Variants in EXD3 observed in about 807,000 individuals in gnomAD.
The protein encoded by EXD3 is exonuclease 3'-5' domain containing 3, also known as exonuclease mut-7 homolog.
In EXD3, 92 loss-of-function variants were observed where a neutral mutation model predicts 98.0. The ratio of observed to expected loss-of-function variants is 0.94; its 90% CI spans 0.79 to 1.12. EXD3 has a LOEUF of 1.12. Ranked by LOEUF, EXD3 falls within the 50% of genes most tolerant of loss-of-function variation. EXD3 has a pLI of 0.00. For missense variants in EXD3, 1,222 were observed against 1,191.6 expected, an observed-to-expected ratio of 1.03 and a Z score of -0.38; for synonymous variants, 569 against 526.0, an observed-to-expected ratio of 1.08 and a Z score of -1.12.
chr9:137,401,006 T>G (rs1372253134), intron 1 of EXD3, among the ~76,000 whole-genome samples: 1 of 152,096 alleles, frequency 6.6e-6, no homozygotes, highest in Non-Finnish European at 1.5e-5. Flanking sequence ...ACAGGTGGTG[T>G]TGAGTGTCTG....
chr9:137,414,219 G>C (rs764630680), intron 1 of EXD3, among the ~76,000 whole-genome samples: 20 of 152,200 alleles, frequency 1.3e-4, no homozygotes, highest in Non-Finnish European at 1.3e-4. Context: ...GCCCGGCCAA[G>C]GTTCTGTTCT....
At chr9:137,376,423 A>G (rs1334362691) in intron 3 of EXD3, among the ~76,000 whole-genome samples, 1 of 151,650 alleles carries the variant, frequency 6.6e-6, no homozygotes, top group Non-Finnish European at 1.5e-5. Context: ...CTACAGGGCA[A>G]GCTCATCTAT....
chr9:137,359,258 C>T lies in EXD3; in HGVS notation c.657-2890G>A, dbSNP rs1341052608. 2.4e-5 allele frequency among the ~76,000 whole-genome samples: 2 copies of T among 83,712 alleles called. 1 individual carries two copies. The highest frequency in any genetic ancestry group is 6.6e-5 in the African/African-American group (2 of 30,220). The allele number at this position is 83,712 out of a possible 152,430, so 54.9% of individuals were successfully genotyped here. ...TGCTGGGATTACAGGCGTGAGCCAC[C>T]GTGCCCGGCCAAGGCCTACTTTTTA... On this transcript the variant is annotated intron_variant, in intron 7 of 21. Transcript: ENST00000340951.
chr9:137,380,138 CTCCCGGGG>C (rs1280235617), intron 3 of EXD3, among the ~76,000 whole-genome samples: 2 of 151,964 alleles, frequency 1.3e-5, no homozygotes, highest in African/African-American at 4.8e-5. Context: ...GCCTGCCTCC[CTCCCGGGG>C]TCCCTGTGAA....
chr9:137,327,290 C>A (rs893235550), intron 17 of EXD3, among the ~76,000 whole-genome samples: 3 of 152,074 alleles, frequency 2.0e-5, no homozygotes, highest in Non-Finnish European at 4.4e-5. Flanking sequence ...CCCTCCACCA[C>A]GGCCCGCTGA....
chr9:137,326,840 A>G (rs1017162787), intron 17 of EXD3, among the ~76,000 whole-genome samples: 4 of 152,010 alleles, frequency 2.6e-5, no homozygotes, highest in African/African-American at 7.2e-5. Context: ...CAGCAGTTTC[A>G]CCTTTAGCTG....
intron 17 of EXD3, among the ~76,000 whole-genome samples, chr9:137,332,712 G>A (rs985926154): frequency 1.3e-5 from 2 of 152,050 alleles, no homozygotes; most frequent in Non-Finnish European, 2.9e-5. Flanking sequence ...ATGCATGGTG[G>A]CGGGCGCCTG....
chr9:137,340,713 T>C (rs1004430471), intron 17 of EXD3, among the ~76,000 whole-genome samples: 1 of 151,974 alleles, frequency 6.6e-6, no homozygotes, highest in Non-Finnish European at 1.5e-5. Context: ...AGAAATAATG[T>C]CTCGCTATGT....
chr9:137,366,438 C>T, intron 7 of EXD3, 55 bp downstream of exon 7: 1 of 1,530,528 alleles, frequency 6.5e-7, no homozygotes, highest in African/African-American at 1.4e-5. Context: ...CCTTCCCTAA[C>T]CAGGGCTCCC....
chr9:137,422,032 A>ACG (rs914174732), intron 1 of EXD3, among the ~76,000 whole-genome samples: 2 of 150,948 alleles, frequency 1.3e-5, no homozygotes, highest in African/African-American at 4.9e-5. Flanking sequence ...AGGTGACAGC[A>ACG]GTTGTATAAA....
chr9:137,307,096 A>G lies in EXD3; in HGVS notation c.2485T>C (p.Phe829Leu). Residue 829 changes from phenylalanine to leucine, a missense_variant, in exon 22 of 22, where the codon TTC (phenylalanine) becomes CTC (leucine). By Grantham distance (22) the Phe-to-Leu change is conservative (BLOSUM62 0). Transcript: ENST00000340951. Reference protein sequence around the residue: ...GVLRTPGLRCFYCCTGCGKVF... With the variant: ...GVLRTPGLRCLYCCTGCGKVF... ...TTTCCACAGCCCGTGCAGCAGTAGA[A>G]GCACCGCAGCCCAGGTGTCCTCAGC... 1 of 1,610,070 alleles carries G rather than the reference A, an allele frequency of 6.2e-7. No individual in the cohort carries two copies.
chr9:137,358,933 A>G (rs1046778899), intron 7 of EXD3, among the ~76,000 whole-genome samples: 3 of 142,828 alleles, frequency 2.1e-5, no homozygotes, highest in African/African-American at 7.8e-5. Context: ...CGATCCTCCC[A>G]CTGCACCTGG....
intron 17 of EXD3, among the ~76,000 whole-genome samples, chr9:137,346,131 C>T (rs976590529): frequency 6.1e-5 from 9 of 147,906 alleles, no homozygotes; most frequent in African/African-American, 1.5e-4. Context: ...TCCAGCTACT[C>T]GGGAGGCTGA....
In EXD3 at chr9:137,323,835, C is replaced by T. The variant is rs1832231011; in HGVS notation, c.2074G>A (p.Gly692Arg). Reference sequence around the variant, plus strand: ...GAGCAGTCGACCGAGAGGCAGCGCCCAGCCCCGACCTGGGCCCGGAGCTGC... The same window carrying T: ...GAGCAGTCGACCGAGAGGCAGCGCCTAGCCCCGACCTGGGCCCGGAGCTGC... ...FHKLRAQVGA[G>R]RCLSVDCSLK... Residue 692 changes from glycine to arginine, a missense_variant, in exon 19 of 22, where the codon GGG becomes AGG. Coordinates refer to ENST00000340951, the MANE Select transcript of EXD3 (RefSeq NM_017820.5). 4 of 1,611,716 alleles carry T rather than the reference C, an allele frequency of 2.5e-6. No individual in the cohort carries two copies. In the African/African-American group the frequency reaches 4.0e-5, roughly 16 times the overall value.
At chr9:137,392,882 T>C (rs983050413) in intron 2 of EXD3, 25 of 447,462 alleles carry the variant, frequency 5.6e-5, no homozygotes, top group Non-Finnish European at 8.6e-5. Context: ...GGGAGGACCA[T>C]TAGTGTTCCA....
chr9:137,375,016 GTT>G, intron 3 of EXD3: 1 of 265,170 alleles, frequency 3.8e-6, no homozygotes, highest in Non-Finnish European at 5.7e-6. Flanking sequence ...CCCTAGTTTT[GTT>G]TTTTTTTTGA....
chr9:137,393,281 C>T lies in EXD3; in HGVS notation c.55+2022G>A, dbSNP rs1837033369. On this transcript the variant is annotated intron_variant, in intron 2 of 21. Coordinates refer to ENST00000340951, the MANE Select transcript of EXD3 (RefSeq NM_017820.5). The surrounding 1 kb of genome is among the most constrained non-coding windows in gnomAD (Gnocchi z 4.6). ...CTGTGCTGAGGCGAACCCAGGGTCC[C>T]ATGCGCTCCCCGGCCCTGACGGCGG... 2.9e-6 allele frequency: 2 copies of T among 700,690 alleles called. No individual in the cohort carries two copies. The highest frequency in any genetic ancestry group is 1.7e-5 in the African/African-American group (1 of 57,178). The allele number at this position is 700,690 out of a possible 1,614,324, so 43.4% of individuals were successfully genotyped here. A position where few individuals can be genotyped will look rare whatever the true frequency, so the allele number is the denominator to read the frequency against.
intron 1 of EXD3, among the ~76,000 whole-genome samples, chr9:137,418,080 C>T (rs975449790): frequency 1.3e-5 from 2 of 152,184 alleles, no homozygotes; most frequent in African/African-American, 4.8e-5. Flanking sequence ...GGCGCAGTGG[C>T]TCACACCTGT....
At chr9:137,338,197 T>G (rs73581534) in intron 17 of EXD3, among the ~76,000 whole-genome samples, 3,765 of 152,276 alleles carry the variant, frequency 0.025, 139 homozygotes, top group African/African-American at 0.084. Context: ...TACAGACTAT[T>G]TTCCTGAAGT....
Sources: allele counts gnomAD v4.1 joint callset (sites outside exome capture counted in the v4.1 genomes callset), GRCh38; gene constraint gnomAD v4.1.1; non-coding constraint Gnocchi (gnomAD v3.1); transcripts MANE v1.5; gene names NCBI Gene and HGNC (gene_info 2026-07-23, HGNC 2026-07-21).